SVEP1: variants seen among roughly 807,000 people sequenced by gnomAD.
SVEP1 encodes sushi, von Willebrand factor type A, EGF and pentraxin domain containing 1, also known as sushi, von Willebrand factor type A, EGF and pentraxin domain-containing protein 1.
SVEP1 carries 164 observed loss-of-function variants against 367.3 expected under a neutral mutation model. That is an observed-to-expected ratio of 0.45 (90% CI 0.39 to 0.51). SVEP1 has a LOEUF of 0.51. SVEP1 is among the 20% of genes least tolerant of loss of function. SVEP1 has a pLI of 0.00. For missense variants in SVEP1, 4,117 were observed against 4,425.3 expected (o/e 0.93, Z 1.98); for synonymous variants, 1,666 against 1,611.6 (o/e 1.03, Z -0.81).
At chr9:110,400,754 G>C in intron 40 of SVEP1, 100 bp downstream of exon 40, 1 of 1,267,476 alleles carries the variant, frequency 7.9e-7, no homozygotes, top group African/African-American at 1.5e-5. Context: ...AGAATCTTTT[G>C]AGACCAAAGT....
intron 40 of SVEP1, among the ~76,000 whole-genome samples, chr9:110,393,910 C>T (rs574020632): frequency 6.6e-6 from 1 of 152,328 alleles, no homozygotes; most frequent in East Asian, 1.9e-4. Flanking sequence ...ATGCCTGCCT[C>T]TGTAGGCTCC....
chr9:110,446,269 G>T (rs1343985284), intron 25 of SVEP1, among the ~76,000 whole-genome samples: 2 of 152,218 alleles, frequency 1.3e-5, no homozygotes, highest in African/African-American at 2.4e-5. Context: ...AGGAAGCAGA[G>T]AAACAGGAAG....
intron 37 of SVEP1, among the ~76,000 whole-genome samples, chr9:110,409,670 T>C (rs1828015014): frequency 6.6e-6 from 1 of 152,156 alleles, no homozygotes; most frequent in South Asian, 2.1e-4. Flanking sequence ...AGATCATAAA[T>C]AGTCAAATAA....
chr9:110,528,156 G>GTCTATATATATATA, intron 3 of SVEP1, among the ~76,000 whole-genome samples: 1 of 33,950 alleles, frequency 2.9e-5, no homozygotes, highest in South Asian at 9.7e-4. Context: ...GTGTGTGTGT[G>GTCTATATATATATA]TATATATATA....
At chr9:110,506,133 G>A (rs1442528319) in intron 5 of SVEP1, among the ~76,000 whole-genome samples, 1 of 152,056 alleles carries the variant, frequency 6.6e-6, no homozygotes, top group African/African-American at 2.4e-5. Flanking sequence ...CCATGTCCCT[G>A]CAAAGGACAT....
intron 1 of SVEP1, among the ~76,000 whole-genome samples, chr9:110,551,014 G>A (rs1260780958): frequency 6.6e-6 from 1 of 152,000 alleles, no homozygotes; most frequent in Admixed American, 6.6e-5. Context: ...AGAAGCACCA[G>A]GGTATATTTT....
intron 5 of SVEP1, among the ~76,000 whole-genome samples, chr9:110,512,420 G>A (rs1196378153): frequency 6.6e-6 from 1 of 151,646 alleles, no homozygotes; most frequent in Non-Finnish European, 1.5e-5. Context: ...AGATTCCATT[G>A]GTGGTGCCCA....
intron 3 of SVEP1, among the ~76,000 whole-genome samples, chr9:110,544,526 C>T (rs1365151700): frequency 6.6e-6 from 1 of 152,158 alleles, no homozygotes; most frequent in African/African-American, 2.4e-5. Flanking sequence ...CCTAAGTTTC[C>T]TTTCTTGCCT....
rs374775470 is a variant in SVEP1, at chr9:110,386,051, C to A, written c.10084G>T (p.Val3362Leu). 6.2e-7 allele frequency: 1 copy of A among 1,613,176 alleles called. No homozygotes were observed. The highest frequency in any genetic ancestry group is 1.3e-5 in the African/African-American group (1 of 74,892). ...CKPNPCPVPF[V>L]IPENALLSEK... is the part of the protein sequence containing the mutation. ...GACAGCAGAGCATTCTCGGGAATCA[C>A]AAAAGGAACAGGGCATGGATTTGCT... The change falls in exon 43 of 48, where the codon GTG becomes TTG. Residue 3362 changes from valine (V) to leucine (L), a missense_variant. Val to Leu is a conservative substitution (Grantham distance 32, BLOSUM62 1). Coordinates refer to ENST00000374469, the MANE Select transcript of SVEP1 (RefSeq NM_153366.4).
intron 22 of SVEP1, among the ~76,000 whole-genome samples, chr9:110,455,355 C>T (rs61317862): frequency 0.011 from 1,607 of 152,306 alleles, 28 homozygotes; most frequent in African/African-American, 0.036. Context: ...AACACGCCTG[C>T]TTGTTTTATA....
intron 3 of SVEP1, among the ~76,000 whole-genome samples, chr9:110,520,825 A>C (rs558787317): frequency 1.8e-4 from 28 of 152,318 alleles, no homozygotes; most frequent in Admixed American, 3.3e-4. Context: ...TCATCTTTAA[A>C]AGTTAACAAA....
chr9:110,482,451 G>T lies in SVEP1; in HGVS notation c.2080C>A (p.Leu694Ile). The change falls in exon 11 of 48, where the codon CTT (leucine) becomes ATT (isoleucine). Residue 694 changes from leucine to isoleucine, a missense_variant. Physicochemically the swap from Leu to Ile is conservative, Grantham distance 5. This residue lies in a region of SVEP1 where 2,174 missense variants were observed against 2,494.3 expected (regional missense o/e 0.87). Transcript: ENST00000374469. ...ACTATAGTCTCCCCTTGAGGGAAAA[G>T]GTCTCCTTGTGTATGACTTCTGGTA... ...VITRSHTQGD[L>I]FPQGETIVQY... 6.3e-7 allele frequency: 1 copy of T among 1,594,676 alleles called. No homozygotes were observed.
intron 3 of SVEP1, among the ~76,000 whole-genome samples, chr9:110,538,022 A>T (rs1830100041): frequency 6.6e-6 from 1 of 152,006 alleles, no homozygotes; most frequent in Admixed American, 6.6e-5. Context: ...TATTGATCAC[A>T]ATCCTTATCT....
chr9:110,382,637 C>G (rs767936609), intron 43 of SVEP1, among the ~76,000 whole-genome samples: 1 of 152,142 alleles, frequency 6.6e-6, no homozygotes, highest in Non-Finnish European at 1.5e-5. Flanking sequence ...GGGAAGTTCT[C>G]CTGGGTGATA....
intron 19 of SVEP1, 121 bp from the exon 20 acceptor site, chr9:110,458,683 C>T (rs762376789): frequency 2.9e-6 from 3 of 1,052,416 alleles, no homozygotes; most frequent in East Asian, 2.6e-5. Context: ...TTTTGTTTCA[C>T]TTATATTTTA....
intron 16 of SVEP1, 60 bp downstream of exon 16, chr9:110,471,304 C>T: frequency 1.5e-6 from 2 of 1,364,322 alleles, no homozygotes; most frequent in South Asian, 1.3e-5. Flanking sequence ...AAAATGGCTA[C>T]ACCCATCTCA....
At chr9:110,518,611 T>C (rs1408530686) in intron 3 of SVEP1, among the ~76,000 whole-genome samples, 1 of 152,130 alleles carries the variant, frequency 6.6e-6, no homozygotes, top group Non-Finnish European at 1.5e-5. Context: ...CTTCAAATCA[T>C]AGATTTCATT....
At position 110,385,895 on chromosome 9, in the gene SVEP1, T is replaced by C. The variant is rs747891907; in HGVS notation, c.10237+3A>G. ...ATGAACTGGCTTCCGCCTGCTGACT[T>C]ACTTTCACATTTGGCGCTTGTCTGT... is the stretch of plus-strand genomic sequence containing the variant. On this transcript the variant is annotated splice_donor_region_variant and intron_variant, in intron 43 of 47. Coordinates refer to ENST00000374469, the MANE Select transcript of SVEP1 (RefSeq NM_153366.4). 2 of 1,611,558 alleles carry C rather than the reference T, an allele frequency of 1.2e-6. No homozygotes were observed. The highest frequency in any genetic ancestry group is 1.7e-5 in the Admixed American group (1 of 59,528).
chr9:110,517,259 A>C (rs1368074993), intron 3 of SVEP1, among the ~76,000 whole-genome samples: 6 of 151,988 alleles, frequency 3.9e-5, no homozygotes, highest in Non-Finnish European at 5.9e-5. Flanking sequence ...CAAGAGTTTC[A>C]ATACCAGCCT....
Sources: gnomAD v4.1 joint callset for allele counts (sites outside exome capture counted in the v4.1 genomes callset) on GRCh38, gnomAD v4.1.1 for gene constraint, gnomAD v4.1.1 regional missense constraint, MANE v1.5 for transcripts, NCBI Gene and HGNC (gene_info 2026-07-23, HGNC 2026-07-21) for gene names.